WNT2B: variants seen among roughly 807,000 people sequenced by gnomAD.
WNT2B encodes the protein Wnt family member 2B.
Under a neutral mutation model 40.5 loss-of-function variants are expected in WNT2B, and 19 were observed. The observed-to-expected ratio is 0.47, with a 90% CI of 0.33 to 0.69. The LOEUF is 0.69. Ranked by LOEUF, WNT2B falls within the 30% of genes least tolerant of loss-of-function variation. The pLI is 0.02. For missense variants in WNT2B, 467 were observed against 556.4 expected (o/e 0.84, Z 1.62); for synonymous variants, 220 against 211.9 (o/e 1.04, Z -0.33).
chr1:112,478,976 G>A (rs887996309), intron 1 of WNT2B, among the ~76,000 whole-genome samples: 5 of 151,950 alleles, frequency 3.3e-5, no homozygotes, highest in Admixed American at 6.6e-5. Flanking sequence ...ATCCCAGTAC[G>A]TTGGGAGGCC....
Position 112,521,129 on chromosome 1 carries a change from T to C in WNT2B, c.*620T>C, listed in dbSNP as rs1652845757. ...TCATAACAATACAAACACACATTCA[T>C]TCTCTCTTTTTCTCTCTACCATTCT... On this transcript the variant is annotated 3_prime_UTR_variant, in exon 5 of 5. Transcript: ENST00000369684. The C allele has an allele frequency of 6.5e-6, 1 of 153,180 alleles. No homozygotes were observed. Among genetic ancestry groups the C allele is most frequent in the South Asian group, 2.1e-4 (1 of 4,864 alleles). 9.5% of individuals were successfully genotyped at this position (153,180 alleles called of 1,614,324 possible).
chr1:112,499,069 G>A (rs1267647942), intron 1 of WNT2B, among the ~76,000 whole-genome samples: 1 of 152,106 alleles, frequency 6.6e-6, no homozygotes, highest in African/African-American at 2.4e-5. Context: ...AGCCGGTCGT[G>A]GTGGCGTGCG....
chr1:112,503,979 T>C (rs769776197), upstream of WNT2B, among the ~76,000 whole-genome samples: 74 of 152,178 alleles, frequency 4.9e-4, no homozygotes, highest in Non-Finnish European at 7.6e-4. Flanking sequence ...TATTTGTCCA[T>C]TGGAAACAAC....
chr1:112,502,379 C>G (rs1288745781), intron 1 of WNT2B, among the ~76,000 whole-genome samples: 1 of 152,248 alleles, frequency 6.6e-6, no homozygotes, highest in Non-Finnish European at 1.5e-5. Flanking sequence ...CGGGCAGATC[C>G]TTTCCTCTGC....
At chr1:112,484,737 C>T (rs1477750935) in intron 1 of WNT2B, among the ~76,000 whole-genome samples, 5 of 148,226 alleles carry the variant, frequency 3.4e-5, no homozygotes, top group Admixed American at 2.7e-4. Context: ...GCAAGACTCC[C>T]TCTTGAAAAA....
intron 4 of WNT2B, among the ~76,000 whole-genome samples, chr1:112,519,872 C>CTTCTTTTTT (rs10634267): frequency 0.028 from 3,218 of 115,216 alleles, 87 homozygotes; most frequent in East Asian, 0.073. Flanking sequence ...GCCCATGCTT[C>CTTCTTTTTT]TTTTTTTTTT....
At chr1:112,480,283 C>T (rs1429201996) in intron 1 of WNT2B, among the ~76,000 whole-genome samples, 3 of 148,588 alleles carry the variant, frequency 2.0e-5, no homozygotes, top group East Asian at 2.0e-4. Context: ...AGGAGAATCA[C>T]GTGAACTTGG....
intron 4 of WNT2B, among the ~76,000 whole-genome samples, chr1:112,519,872 C>CTTTTT (rs71081244): frequency 2.7e-4 from 31 of 115,620 alleles, no homozygotes; most frequent in East Asian, 5.3e-4. Flanking sequence ...GCCCATGCTT[C>CTTTTT]TTTTTTTTTT....
chr1:112,479,191 A>G (rs1430788400), intron 1 of WNT2B, among the ~76,000 whole-genome samples: 1 of 152,068 alleles, frequency 6.6e-6, no homozygotes, highest in Non-Finnish European at 1.5e-5. Context: ...ATTGCACTCC[A>G]GCCTGGGTGA....
In WNT2B at chr1:112,516,397, A is replaced by G. The variant is rs1193768658; in HGVS notation, c.661A>G (p.Asn221Asp). ...KDARALMNLHNNRCGRTAVRR... is the reference protein window; with the variant it reads ...KDARALMNLHDNRCGRTAVRR... ...TGCCCGGGCCCTCATGAACTTACAT[A>G]ATAACCGCTGTGGTCGCACGGTCAG... is the stretch of plus-strand genomic sequence containing the variant. Residue 221 changes from asparagine to aspartate, a missense_variant, in exon 3 of 5, where the codon AAT becomes GAT. Coordinates refer to ENST00000369684, the MANE Select transcript of WNT2B (RefSeq NM_024494.3). 2 of 1,613,282 alleles carry G rather than the reference A, an allele frequency of 1.2e-6. No homozygotes were observed. The highest frequency in any genetic ancestry group is 1.7e-6 in the Non-Finnish European group (2 of 1,179,882).
chr1:112,505,980 T>C (rs1485247291), upstream of WNT2B, among the ~76,000 whole-genome samples: 1 of 152,136 alleles, frequency 6.6e-6, no homozygotes, highest in Non-Finnish European at 1.5e-5. Context: ...TCCCTTCAGC[T>C]CAGAAACATG....
At chr1:112,493,434 A>C (rs945347871) in intron 1 of WNT2B, among the ~76,000 whole-genome samples, 4 of 152,132 alleles carry the variant, frequency 2.6e-5, no homozygotes, top group African/African-American at 9.7e-5. Flanking sequence ...CCTGGGCAAC[A>C]TAGTGAGACC....
At chr1:112,475,521 G>T (rs1651027116) in intron 1 of WNT2B, among the ~76,000 whole-genome samples, 1 of 152,168 alleles carries the variant, frequency 6.6e-6, no homozygotes, top group Non-Finnish European at 1.5e-5. Context: ...TTTCACATAT[G>T]TAGAAATAAA....
Position 112,520,299 on chromosome 1 carries a change from C to G in WNT2B, c.966C>G (p.Gly322=). 6.2e-7 allele frequency: 1 copy of G among 1,614,038 alleles called. No homozygotes were observed. The highest frequency in any genetic ancestry group is 8.5e-7 in the Non-Finnish European group (1 of 1,179,982). Residue 322 remains glycine (G), a synonymous_variant, in exon 5 of 5, where the codon GGC becomes GGG. Transcript: ENST00000369684. ...ACCCAGGTTCCCTAGGCACTGCAGGCCGTGTCTGCAGCAAGACATCAAAAG... is the reference window on the plus strand; with the variant it reads ...ACCCAGGTTCCCTAGGCACTGCAGGGCGTGTCTGCAGCAAGACATCAAAAG... ...DKAAGSLGTA[G]RVCSKTSKGT...
At chr1:112,506,492 C>T (rs998585772), upstream of WNT2B, among the ~76,000 whole-genome samples, 10 of 152,210 alleles carry the variant, frequency 6.6e-5, no homozygotes, top group Non-Finnish European at 1.3e-4. Context: ...TTCCACCAAC[C>T]CCAGGCCCTG....
At chr1:112,491,491 G>A (rs1487468225) in intron 1 of WNT2B, among the ~76,000 whole-genome samples, 3 of 152,102 alleles carry the variant, frequency 2.0e-5, no homozygotes, top group Non-Finnish European at 4.4e-5. Context: ...AAGACTACAT[G>A]GAATAGGGCC....
Position 112,520,643 on chromosome 1 carries a change from C to T in WNT2B, c.*134C>T. On this transcript the variant is annotated 3_prime_UTR_variant, in exon 5 of 5. Coordinates refer to ENST00000369684, the MANE Select transcript of WNT2B (RefSeq NM_024494.3). ...CTATTTAAGGATGTAGAGAGTAATC[C>T]ATAGGGACCATGGTGTCCTGGCTGG... is the stretch of plus-strand genomic sequence containing the variant. 1.1e-6 allele frequency: 1 copy of T among 916,440 alleles called. No individual in the cohort carries two copies. Among genetic ancestry groups the T allele is most frequent in the Non-Finnish European group, 1.7e-6 (1 of 597,942 alleles). The allele number at this position is 916,440 out of a possible 1,614,324, so 56.8% of individuals were successfully genotyped here. A position where few individuals can be genotyped will look rare whatever the true frequency, so the allele number is the denominator to read the frequency against.
chr1:112,472,929 C>T (rs1320375055), intron 1 of WNT2B, among the ~76,000 whole-genome samples: 1 of 136,832 alleles, frequency 7.3e-6, no homozygotes, highest in Admixed American at 7.6e-5. Context: ...TGCCACTGCA[C>T]TCTAGCCTGG....
At chr1:112,513,061 C>CA (rs1330832443) in intron 1 of WNT2B, among the ~76,000 whole-genome samples, 1 of 152,122 alleles carries the variant, frequency 6.6e-6, no homozygotes, top group African/African-American at 2.4e-5. Flanking sequence ...CAGACTGTCT[C>CA]ACGAGGGCTG....
Sources: allele counts gnomAD v4.1 joint callset (sites outside exome capture counted in the v4.1 genomes callset), GRCh38; gene constraint gnomAD v4.1.1; transcripts MANE v1.5; gene names NCBI Gene and HGNC (gene_info 2026-07-23, HGNC 2026-07-21).